Variants in GALNT13 observed in about 807,000 individuals in gnomAD.
The protein encoded by GALNT13 is UDP-GalNAc:polypeptide N-acetylgalactosaminyltransferase 13.
GALNT13 carries 28 observed loss-of-function variants against 64.2 expected under a neutral mutation model. The observed-to-expected ratio is 0.44, with a 90% CI of 0.32 to 0.60. GALNT13 has a LOEUF of 0.60. Among genes scored for constraint, GALNT13 ranks in the 20% least tolerant of loss-of-function variants. The probability of loss-of-function intolerance (pLI) is 0.05; values close to 1 mark genes in which losing one functional copy is unlikely to be tolerated. For synonymous variants in GALNT13, 214 were observed against 224.6 expected (o/e 0.95, Z 0.42); for missense variants, 577 against 669.8 (o/e 0.86, Z 1.53).
chr2:153,328,370 A>G, the GALNT13 span, among the ~76,000 whole-genome samples: 1 of 152,188 alleles, frequency 6.6e-6, no homozygotes, highest in Non-Finnish European at 1.5e-5. Context: ...GCCTGCAGGC[A>G]GAAATATTTA....
At chr2:153,438,721 T>G in the GALNT13 span, among the ~76,000 whole-genome samples, 8 of 152,164 alleles carry the variant, frequency 5.3e-5, no homozygotes, top group African/African-American at 1.7e-4. Context: ...CTAGTTACCA[T>G]TCATCTAATT....
chr2:154,169,132 G>C (rs561400595), intron 4 of GALNT13, among the ~76,000 whole-genome samples: 5 of 152,090 alleles, frequency 3.3e-5, no homozygotes, highest in Admixed American at 6.5e-5. Flanking sequence ...CCACCACAGG[G>C]GACATTAATC....
At chr2:153,705,665 A>G in the GALNT13 span, among the ~76,000 whole-genome samples, 158 of 152,342 alleles carry the variant, frequency 1.0e-3, 1 homozygote, top group East Asian at 0.024. Context: ...ATACAAATCC[A>G]GTTGCACAAA....
At chr2:154,267,702 G>C (rs1033284089) in intron 8 of GALNT13, among the ~76,000 whole-genome samples, 1 of 151,998 alleles carries the variant, frequency 6.6e-6, no homozygotes, top group African/African-American at 2.4e-5. Context: ...AGAAAGAGAA[G>C]TGAAGGCACT....
the GALNT13 span, among the ~76,000 whole-genome samples, chr2:153,398,842 G>C: frequency 7.3e-6 from 1 of 137,070 alleles, no homozygotes; most frequent in Non-Finnish European, 1.6e-5. Context: ...CAGATGAGTA[G>C]GTTGTGAAAA....
chr2:154,034,172 A>C (rs2105312824), intron 3 of GALNT13, among the ~76,000 whole-genome samples: 1 of 152,292 alleles, frequency 6.6e-6, no homozygotes, highest in Admixed American at 6.5e-5. Context: ...TTATACGTAA[A>C]TATTATAGCA....
chr2:153,154,878 C>G, the GALNT13 span, among the ~76,000 whole-genome samples: 2 of 152,088 alleles, frequency 1.3e-5, no homozygotes, highest in Non-Finnish European at 2.9e-5. Flanking sequence ...GTATATGGCT[C>G]TTATTGTTTT....
At chr2:153,250,106 C>T in the GALNT13 span, among the ~76,000 whole-genome samples, 1 of 152,184 alleles carries the variant, frequency 6.6e-6, no homozygotes, top group South Asian at 2.1e-4. Flanking sequence ...AGACAACCCA[C>T]AGAATGGGAG....
the GALNT13 span, among the ~76,000 whole-genome samples, chr2:153,693,497 A>G: frequency 6.6e-6 from 1 of 152,162 alleles, no homozygotes; most frequent in East Asian, 1.9e-4. Flanking sequence ...TGACTGAGGC[A>G]GATCTCAATT....
At chr2:153,333,751 T>A in the GALNT13 span, among the ~76,000 whole-genome samples, 2 of 152,134 alleles carry the variant, frequency 1.3e-5, no homozygotes, top group Non-Finnish European at 2.9e-5. Flanking sequence ...AAAGCAAAAA[T>A]ATGAAAAGTC....
the GALNT13 span, among the ~76,000 whole-genome samples, chr2:153,610,961 G>GTTTT: frequency 2.6e-5 from 4 of 152,056 alleles, no homozygotes. Flanking sequence ...TAAAATAAAG[G>GTTTT]TAAAATTATA....
the GALNT13 span, among the ~76,000 whole-genome samples, chr2:153,649,665 C>T: frequency 2.8e-4 from 43 of 152,146 alleles, no homozygotes; most frequent in African/African-American, 9.9e-4. Flanking sequence ...GTATGTTGTG[C>T]CTTTGTTCTC....
In GALNT13 at chr2:154,434,449, C is replaced by T. The variant is rs181559255; in HGVS notation, c.1396-4143C>T. The stretch of plus-strand genomic sequence containing the variant: ...TAATTTTTTGTATTTTTAGTAGAGA[C>T]GGGGTTTCACCGTGTTAGCCAGGAT... On this transcript the variant is annotated intron_variant, in intron 11 of 12. Transcript: ENST00000392825. Among the ~76,000 whole-genome samples the T allele has an allele frequency of 8.5e-3, 1,286 of 152,132 alleles. 15 individuals are homozygous for T. Among genetic ancestry groups the T allele is most frequent in the African/African-American group, 0.029 (1,221 of 41,486 alleles).
the GALNT13 span, among the ~76,000 whole-genome samples, chr2:153,791,001 G>C: frequency 6.6e-6 from 1 of 152,014 alleles, no homozygotes; most frequent in Non-Finnish European, 1.5e-5. Context: ...TAAAAGCATG[G>C]CAACAAAAGC....
the GALNT13 span, among the ~76,000 whole-genome samples, chr2:153,111,223 C>T: frequency 6.6e-6 from 1 of 151,916 alleles, no homozygotes; most frequent in Non-Finnish European, 1.5e-5. Context: ...CTGATTAAAT[C>T]CATTGAGAGA....
the GALNT13 span, among the ~76,000 whole-genome samples, chr2:153,649,329 A>G: frequency 6.6e-6 from 1 of 151,732 alleles, no homozygotes; most frequent in Non-Finnish European, 1.5e-5. Flanking sequence ...ATCATTTTTT[A>G]TTGCGTCTGT....
At chr2:154,064,526 C>T (rs574407209) in intron 3 of GALNT13, among the ~76,000 whole-genome samples, 1 of 152,096 alleles carries the variant, frequency 6.6e-6, no homozygotes, top group East Asian at 1.9e-4. Context: ...TGTCTTGGAA[C>T]TTGGATACCA....
At chr2:153,213,032 A>G in the GALNT13 span, among the ~76,000 whole-genome samples, 3 of 152,356 alleles carry the variant, frequency 2.0e-5, no homozygotes, top group South Asian at 4.1e-4. Flanking sequence ...GCCTAATGAA[A>G]TGTACTCTAA....
At chr2:153,317,895 G>A in the GALNT13 span, among the ~76,000 whole-genome samples, 1 of 151,566 alleles carries the variant, frequency 6.6e-6, no homozygotes, top group Non-Finnish European at 1.5e-5. Context: ...TTCACCAAGT[G>A]CCTTGCAGAT....
Sources: gnomAD v4.1 joint callset for allele counts (sites outside exome capture counted in the v4.1 genomes callset) on GRCh38, gnomAD v4.1.1 for gene constraint, MANE v1.5 for transcripts, NCBI Gene and HGNC (gene_info 2026-07-23, HGNC 2026-07-21) for gene names.